Variants in SLIT3 observed in about 807,000 individuals in gnomAD.
SLIT3 encodes slit guidance ligand 3, also known as slit homolog 3 protein.
A neutral mutation model predicts 184.0 loss-of-function variants in SLIT3; 68 were observed. The ratio of observed to expected loss-of-function variants is 0.37; its 90% CI spans 0.30 to 0.45. SLIT3 has a LOEUF of 0.45. Ranked by LOEUF, SLIT3 falls within the 20% of genes least tolerant of loss-of-function variation. The probability of loss-of-function intolerance (pLI) is 1.00; values close to 1 mark genes in which losing one functional copy is unlikely to be tolerated. For missense variants in SLIT3, 1,707 were observed against 2,026.0 expected, an observed-to-expected ratio of 0.84 and a Z score of 3.02; for synonymous variants, 831 against 828.6, an observed-to-expected ratio of 1.00 and a Z score of -0.05.
At chr5:168,794,667 C>A (rs921453537) in intron 10 of SLIT3, among the ~76,000 whole-genome samples, 8 of 152,158 alleles carry the variant, frequency 5.3e-5, no homozygotes, top group African/African-American at 1.9e-4. Context: ...TCATTTCATG[C>A]AGGAAGAACA....
chr5:169,116,365 G>T (rs1308726458), intron 4 of SLIT3, among the ~76,000 whole-genome samples: 1 of 152,160 alleles, frequency 6.6e-6, no homozygotes, highest in Non-Finnish European at 1.5e-5. Flanking sequence ...ATCATACTGT[G>T]TAGGGATGCA....
chr5:169,263,700 C>A (rs1766290227), intron 1 of SLIT3: 1 of 510,330 alleles, frequency 2.0e-6, no homozygotes, highest in Non-Finnish European at 4.0e-6. Context: ...CCCCACACTC[C>A]CCCTGCAGCC....
chr5:168,804,330 A>AAAAAAC lies in SLIT3; in HGVS notation c.935+2115_935+2116insGTTTTT, dbSNP rs1554143153. On this transcript the variant is annotated intron_variant, in intron 9 of 35. Coordinates refer to ENST00000519560, the MANE Select transcript of SLIT3 (RefSeq NM_003062.4). ...TTTCTCAAAAAAAAAAAAAAAAAAAAAAAAAAAAAGATGAAAGGGAAACAG... is the reference window on the plus strand; with the variant it reads ...TTTCTCAAAAAAAAAAAAAAAAAAAAAAAAACAAAAAAAAAGATGAAAGGGAAACAG... 3.6e-3 allele frequency among the ~76,000 whole-genome samples: 460 copies of AAAAAAC among 129,244 alleles called. 26 individuals carry two copies. Among genetic ancestry groups the AAAAAAC allele is most frequent in the South Asian group, 0.014 (54 of 3,958 alleles). 84.8% of individuals were successfully genotyped at this position (129,244 alleles called of 152,430 possible).
chr5:169,245,495 G>A (rs1336727999), intron 2 of SLIT3, among the ~76,000 whole-genome samples: 1 of 152,170 alleles, frequency 6.6e-6, no homozygotes, highest in Non-Finnish European at 1.5e-5. Flanking sequence ...TTAAATGGAT[G>A]AGCTGAACAG....
intron 3 of SLIT3, among the ~76,000 whole-genome samples, chr5:169,226,424 A>G (rs1764812142): frequency 6.6e-6 from 1 of 152,116 alleles, no homozygotes; most frequent in Non-Finnish European, 1.5e-5. Flanking sequence ...CCAGTCACAA[A>G]ACAAGAGTCC....
At chr5:168,954,495 C>G (rs1762757467) in intron 4 of SLIT3, among the ~76,000 whole-genome samples, 1 of 152,182 alleles carries the variant, frequency 6.6e-6, no homozygotes, top group African/African-American at 2.4e-5. Flanking sequence ...TCCCGGCTCA[C>G]AGCTCAAAGC....
At chr5:168,866,882 C>T (rs1466449909) in intron 5 of SLIT3, among the ~76,000 whole-genome samples, 1 of 152,220 alleles carries the variant, frequency 6.6e-6, no homozygotes, top group Non-Finnish European at 1.5e-5. Flanking sequence ...ACATTCTCTG[C>T]ATTAGGTACT....
At chr5:168,777,072 CA>C (rs1334308801) in intron 12 of SLIT3, among the ~76,000 whole-genome samples, 5 of 24,200 alleles carry the variant, frequency 2.1e-4, no homozygotes, top group Admixed American at 6.0e-4. Context: ...ACAACACACA[CA>C]CACACACACA....
chr5:168,750,721 C>G (rs1323682908), intron 18 of SLIT3, among the ~76,000 whole-genome samples: 1 of 152,120 alleles, frequency 6.6e-6, no homozygotes, highest in Non-Finnish European at 1.5e-5. Flanking sequence ...CCATTGTCCT[C>G]TCCTGTTGAC....
intron 23 of SLIT3, chr5:168,712,921 G>C (rs1762605635): frequency 6.5e-6 from 1 of 154,372 alleles, no homozygotes; most frequent in African/African-American, 2.4e-5. Flanking sequence ...AATCCACGTA[G>C]AGAGAGCCAG....
At chr5:168,760,799 G>A (rs1290676651) in intron 16 of SLIT3, 63 bp downstream of exon 16, 1 of 1,260,726 alleles carries the variant, frequency 7.9e-7, no homozygotes. Flanking sequence ...GGTTCCTCTA[G>A]TCTAGAACAC....
intron 4 of SLIT3, among the ~76,000 whole-genome samples, chr5:169,183,685 T>A (rs2113448123): frequency 6.6e-6 from 1 of 152,292 alleles, no homozygotes; most frequent in Non-Finnish European, 1.5e-5. Flanking sequence ...ACTAAATCCA[T>A]GAAATCACTT....
At chr5:168,797,728 T>G (rs966618393) in intron 9 of SLIT3, among the ~76,000 whole-genome samples, 1 of 152,234 alleles carries the variant, frequency 6.6e-6, no homozygotes, top group African/African-American at 2.4e-5. Context: ...TGACTATGTC[T>G]ATTATCTCTT....
intron 1 of SLIT3, among the ~76,000 whole-genome samples, chr5:169,299,708 A>AC (rs958825610): frequency 6.6e-5 from 10 of 152,332 alleles, no homozygotes; most frequent in African/African-American, 2.4e-4. Context: ...ATTTGGTTGC[A>AC]CAATTGGGGC....
At chr5:168,794,645 C>T (rs1241663347) in intron 10 of SLIT3, among the ~76,000 whole-genome samples, 1 of 152,150 alleles carries the variant, frequency 6.6e-6, no homozygotes, top group Non-Finnish European at 1.5e-5. Context: ...TGACCATACC[C>T]TCCGAGGCTT....
At chr5:169,031,197 T>C (rs1267197470) in intron 4 of SLIT3, among the ~76,000 whole-genome samples, 1 of 152,212 alleles carries the variant, frequency 6.6e-6, no homozygotes, top group Admixed American at 6.5e-5. Context: ...GTGATCAGTG[T>C]AGGCAGTGAA....
chr5:169,019,058 T>G (rs1756500927), intron 4 of SLIT3, among the ~76,000 whole-genome samples: 1 of 152,184 alleles, frequency 6.6e-6, no homozygotes, highest in Non-Finnish European at 1.5e-5. Flanking sequence ...AAGGAAGCCT[T>G]GTACAGGGCT....
chr5:168,805,752 C>T (rs17070509), intron 9 of SLIT3, among the ~76,000 whole-genome samples: 16,301 of 152,184 alleles, frequency 0.11, 1,153 homozygotes, highest in African/African-American at 0.19. Flanking sequence ...TAATTAAGAG[C>T]TCAGTCCCCC....
intron 4 of SLIT3, among the ~76,000 whole-genome samples, chr5:169,073,661 G>A (rs192267922): frequency 3.3e-5 from 5 of 152,184 alleles, no homozygotes; most frequent in Admixed American, 3.3e-4. Context: ...GGTAATGGGT[G>A]AGTTCTTGCC....
Sources: gnomAD v4.1 joint callset for allele counts (sites outside exome capture counted in the v4.1 genomes callset) on GRCh38, gnomAD v4.1.1 for gene constraint, MANE v1.5 for transcripts, NCBI Gene and HGNC (gene_info 2026-07-23, HGNC 2026-07-21) for gene names.